The following ASTN2 variants were observed in gnomAD, a reference collection of about 807,000 sequenced individuals.
ASTN2 encodes the protein astrotactin-2.
Under a neutral mutation model 139.8 loss-of-function variants are expected in ASTN2, and 54 were observed. That is an observed-to-expected ratio of 0.39 (90% CI 0.31 to 0.48). The LOEUF is 0.48. Ranked by LOEUF, ASTN2 falls within the 20% of genes least tolerant of loss-of-function variation. The probability of loss-of-function intolerance (pLI) is 0.95; values close to 1 mark genes in which losing one functional copy is unlikely to be tolerated. For synonymous variants in ASTN2, 756 were observed against 719.5 expected (o/e 1.05, Z -0.81); for missense variants, 1,565 against 1,725.1 (o/e 0.91, Z 1.64).
Position 117,008,074 on chromosome 9 carries a change from C to T in ASTN2, c.1591+18G>A. 1 of 1,565,682 alleles carries T rather than the reference C, an allele frequency of 6.4e-7. No individual in the cohort carries two copies. The highest frequency in any genetic ancestry group is 1.2e-5 in the South Asian group (1 of 83,676). ...GCCTCTCCCACCTTCTATCCCCATC[C>T]CGGCTCCCATGGCTCACCGGTTTCT... On this transcript the variant is annotated intron_variant, in intron 7 of 22. Transcript: ENST00000313400.
At chr9:116,787,066 T>C (rs1410251664) in intron 13 of ASTN2, among the ~76,000 whole-genome samples, 2 of 152,226 alleles carry the variant, frequency 1.3e-5, no homozygotes, top group Middle Eastern at 3.2e-3. Flanking sequence ...TGTGAGTCCA[T>C]TAAACCTCTT....
At chr9:116,975,390 G>A (rs1335432904) in intron 9 of ASTN2, 45 bp from the exon 10 acceptor site, 5 of 1,526,472 alleles carry the variant, frequency 3.3e-6, no homozygotes, top group Admixed American at 4.2e-5. Context: ...GGGAAGCAGA[G>A]AGCAAACAGA....
intron 1 of ASTN2, among the ~76,000 whole-genome samples, chr9:117,406,485 C>A (rs542568359): frequency 3.3e-5 from 5 of 152,070 alleles, no homozygotes; most frequent in African/African-American, 9.7e-5. Flanking sequence ...CCTGCCACCC[C>A]CCTCCTCCAC....
intron 3 of ASTN2, among the ~76,000 whole-genome samples, chr9:117,177,073 G>A (rs1341348571): frequency 1.3e-5 from 2 of 152,136 alleles, no homozygotes; most frequent in Non-Finnish European, 2.9e-5. Flanking sequence ...TAACCATCTG[G>A]CCAAAGAACA....
chr9:116,735,737 G>A (rs532753545), intron 13 of ASTN2, among the ~76,000 whole-genome samples: 2 of 152,334 alleles, frequency 1.3e-5, no homozygotes, highest in African/African-American at 4.8e-5. Flanking sequence ...TTCACTCTGG[G>A]CAGGAGAGGC....
At chr9:116,575,051 TGCA>T (rs1211135245) in intron 19 of ASTN2, among the ~76,000 whole-genome samples, 1 of 152,170 alleles carries the variant, frequency 6.6e-6, no homozygotes, top group Non-Finnish European at 1.5e-5. Context: ...CTTTTGTACT[TGCA>T]ATTAGAACAC....
intron 1 of ASTN2, among the ~76,000 whole-genome samples, chr9:117,371,631 A>T (rs1350592399): frequency 6.6e-6 from 1 of 152,198 alleles, no homozygotes; most frequent in Admixed American, 6.5e-5. Flanking sequence ...CTGTAAAGTC[A>T]GAATAGAGTC....
chr9:116,892,814 T>C (rs1006829367), intron 10 of ASTN2, among the ~76,000 whole-genome samples: 4 of 152,142 alleles, frequency 2.6e-5, no homozygotes, highest in Non-Finnish European at 5.9e-5. Flanking sequence ...ATGAGGACTG[T>C]CATATTTAGC....
intron 12 of ASTN2, among the ~76,000 whole-genome samples, chr9:116,808,920 C>T (rs905370786): frequency 5.3e-5 from 8 of 152,092 alleles, no homozygotes; most frequent in African/African-American, 9.7e-5. Context: ...TTTCATGTTA[C>T]GGTCACTTGC....
intron 13 of ASTN2, among the ~76,000 whole-genome samples, chr9:116,767,274 C>T (rs977823015): frequency 6.6e-6 from 1 of 152,156 alleles, no homozygotes; most frequent in African/African-American, 2.4e-5. Context: ...CCTAGGTACC[C>T]TCCACACAGG....
intron 3 of ASTN2, among the ~76,000 whole-genome samples, chr9:117,210,981 CAA>C (rs57888812): frequency 2.2e-5 from 3 of 137,022 alleles, no homozygotes; most frequent in African/African-American, 5.4e-5. Flanking sequence ...CATCTCAAAG[CAA>C]AAAAAAAAAA....
intron 16 of ASTN2, among the ~76,000 whole-genome samples, chr9:116,656,914 G>A (rs1256645482): frequency 6.6e-6 from 1 of 152,280 alleles, no homozygotes; most frequent in Non-Finnish European, 1.5e-5. Context: ...TTGGCAATAG[G>A]TTTGCACTTG....
At chr9:116,927,875 G>A (rs927437450) in intron 10 of ASTN2, among the ~76,000 whole-genome samples, 3 of 152,146 alleles carry the variant, frequency 2.0e-5, no homozygotes, top group African/African-American at 7.2e-5. Flanking sequence ...GCATAAAACT[G>A]GTTGTCAATG....
chr9:116,586,919 T>C (rs1312356047), intron 19 of ASTN2, among the ~76,000 whole-genome samples: 1 of 151,324 alleles, frequency 6.6e-6, no homozygotes, highest in Admixed American at 6.6e-5. Flanking sequence ...ATCCTGACAG[T>C]GACTTTGAGT....
chr9:117,083,738 G>C (rs1010456170), intron 5 of ASTN2, among the ~76,000 whole-genome samples: 1 of 152,232 alleles, frequency 6.6e-6, no homozygotes, highest in African/African-American at 2.4e-5. Context: ...ATTCCTTCTC[G>C]CTAGTGTAAG....
intron 5 of ASTN2, among the ~76,000 whole-genome samples, chr9:117,065,084 T>C (rs1463247047): frequency 1.3e-5 from 2 of 152,034 alleles, no homozygotes; most frequent in South Asian, 2.1e-4. Flanking sequence ...GAGGAGGATG[T>C]GAGGAAAACA....
rs947511960 is a variant in ASTN2, at chr9:116,542,051, T to A, written c.3356-54551A>T. Among the ~76,000 whole-genome samples, 5 of 152,314 alleles carry A rather than the reference T, an allele frequency of 3.3e-5. 1 individual carries two copies. The highest frequency in any genetic ancestry group is 2.6e-4 in the Admixed American group (4 of 15,298). On this transcript the variant is annotated intron_variant, in intron 19 of 22. Coordinates refer to ENST00000313400, the MANE Select transcript of ASTN2 (RefSeq NM_001365068.1). ...TTATTTCTCATGATTTTTTTTATAG[T>A]CACACTACTTTCCTCTTGCTCCTGC... is the stretch of plus-strand genomic sequence containing the variant.
At chr9:116,757,334 T>C (rs1829559081) in intron 13 of ASTN2, among the ~76,000 whole-genome samples, 1 of 152,182 alleles carries the variant, frequency 6.6e-6, no homozygotes, top group African/African-American at 2.4e-5. Context: ...GCTATTTTTC[T>C]TTTTGGCATG....
chr9:116,977,804 C>A (rs936283859), intron 7 of ASTN2, among the ~76,000 whole-genome samples: 8 of 150,874 alleles, frequency 5.3e-5, no homozygotes, highest in Admixed American at 6.6e-5. Flanking sequence ...GCAACCTCCA[C>A]CTCCCAGCTT....
Sources: allele counts gnomAD v4.1 joint callset (sites outside exome capture counted in the v4.1 genomes callset), GRCh38; gene constraint gnomAD v4.1.1; transcripts MANE v1.5; gene names NCBI Gene and HGNC (gene_info 2026-07-23, HGNC 2026-07-21).